The following TTLL5 variants were observed in gnomAD, a reference collection of about 807,000 sequenced individuals.
TTLL5 encodes tubulin polyglutamylase TTLL5.
A neutral mutation model predicts 168.4 loss-of-function variants in TTLL5; 132 were observed. The observed-to-expected ratio is 0.78, with a 90% CI of 0.68 to 0.91. TTLL5 has a LOEUF of 0.91. TTLL5 is among the 40% of genes least tolerant of loss of function. The pLI, the probability that TTLL5 is intolerant of heterozygous loss-of-function variation, is 0.00. For missense variants in TTLL5, 1,545 were observed against 1,581.5 expected (o/e 0.98, Z 0.39); for synonymous variants, 546 against 558.6 (o/e 0.98, Z 0.32).
intron 4 of TTLL5, among the ~76,000 whole-genome samples, chr14:75,682,991 C>T (rs896783655): frequency 6.6e-6 from 1 of 152,054 alleles, no homozygotes; most frequent in Non-Finnish European, 1.5e-5. Context: ...AGGATAGTCT[C>T]AAACTCCTGA....
chr14:75,711,952 A>T (rs1887106951), intron 9 of TTLL5: 1 of 152,370 alleles, frequency 6.6e-6, no homozygotes. Flanking sequence ...AGCAGCAAGT[A>T]GGGGGGAAGA....
At chr14:75,790,317 A>G (rs1415828064) in intron 26 of TTLL5, among the ~76,000 whole-genome samples, 1 of 152,172 alleles carries the variant, frequency 6.6e-6, no homozygotes, top group African/African-American at 2.4e-5. Flanking sequence ...TAAGAAAAAG[A>G]TAGCCCAATA....
At chr14:75,729,331 G>C (rs1232455614) in intron 12 of TTLL5, among the ~76,000 whole-genome samples, 1 of 152,060 alleles carries the variant, frequency 6.6e-6, no homozygotes, top group Non-Finnish European at 1.5e-5. Context: ...TAAAATTCTC[G>C]TTACTGCTGC....
At chr14:75,823,401 G>A (rs931700674) in intron 28 of TTLL5, among the ~76,000 whole-genome samples, 1 of 152,206 alleles carries the variant, frequency 6.6e-6, no homozygotes, top group Admixed American at 6.5e-5. Flanking sequence ...TTCTTAGTGC[G>A]TTTTTCTTTG....
At chr14:75,663,317 C>T (rs952491161) in intron 2 of TTLL5, 94 bp downstream of exon 2, 3 of 1,186,620 alleles carry the variant, frequency 2.5e-6, no homozygotes, top group Non-Finnish European at 2.4e-6. Flanking sequence ...TTCTCTTTTA[C>T]TTATGTACTC....
intron 28 of TTLL5, among the ~76,000 whole-genome samples, chr14:75,831,963 C>T (rs758272782): frequency 5.3e-5 from 8 of 152,112 alleles, no homozygotes; most frequent in African/African-American, 9.7e-5. Flanking sequence ...CACTTGCCAA[C>T]GGAGGGGTAG....
rs977900809 is a variant in TTLL5 at position 75,783,167 on chromosome 14, A to G, written c.2623A>G (p.Lys875Glu). The G allele has an allele frequency of 5.0e-6, 8 of 1,611,000 alleles. No homozygotes were observed. The highest frequency in any genetic ancestry group is 6.8e-6 in the Non-Finnish European group (8 of 1,179,598). The change falls in exon 26 of 32, where the codon AAA becomes GAA. Residue 875 changes from lysine to glutamate, a missense_variant. Lys to Glu is a moderately conservative substitution (Grantham distance 56, BLOSUM62 1). Coordinates refer to ENST00000298832, the MANE Select transcript of TTLL5 (RefSeq NM_015072.5). ...KLSRFTTSAE[K>E]EAKLVYSNSS... The stretch of plus-strand genomic sequence containing the variant: ...AATAGGATTTACCACTTCAGCAGAA[A>G]AAGAGGCAAAATTAGTTTATAGCAA...
chr14:75,837,900 C>T (rs1381247052), intron 28 of TTLL5, among the ~76,000 whole-genome samples: 1 of 151,930 alleles, frequency 6.6e-6, no homozygotes, highest in Non-Finnish European at 1.5e-5. Context: ...CATACACACA[C>T]ACTACATTTT....
At chr14:75,664,032 T>C (rs1883073803) in intron 2 of TTLL5, among the ~76,000 whole-genome samples, 1 of 150,312 alleles carries the variant, frequency 6.7e-6, no homozygotes, top group Non-Finnish European at 1.5e-5. Flanking sequence ...TGCAGTGAGC[T>C]GAGATCTCAC....
intron 31 of TTLL5, among the ~76,000 whole-genome samples, chr14:75,936,691 A>G (rs948446200): frequency 2.6e-5 from 4 of 152,184 alleles, no homozygotes; most frequent in African/African-American, 9.7e-5. Flanking sequence ...CACCTCTTGA[A>G]GTAATTGCTG....
Position 75,820,065 on chromosome 14 carries a change from C to T in TTLL5, c.3230C>T (p.Pro1077Leu). The change falls in exon 28 of 32, where the codon CCA becomes CTA. Residue 1077 changes from proline (P) to leucine (L), a missense_variant. Coordinates refer to ENST00000298832, the MANE Select transcript of TTLL5 (RefSeq NM_015072.5). Reference protein sequence around the residue: ...IINRSSASAPPTLRPIISPSG... With the variant: ...IINRSSASAPLTLRPIISPSG... ...AACAGAAGCAGTGCTTCAGCTCCCC[C>T]AACCCTCCGACCCATCATCAGTCCT... is the stretch of plus-strand genomic sequence containing the variant. 6.2e-7 allele frequency: 1 copy of T among 1,608,362 alleles called. No individual in the cohort carries two copies. The highest frequency in any genetic ancestry group is 1.1e-5 in the South Asian group (1 of 89,982).
intron 13 of TTLL5, among the ~76,000 whole-genome samples, chr14:75,733,289 G>T (rs1888660419): frequency 6.6e-6 from 1 of 152,128 alleles, no homozygotes. Flanking sequence ...CCCAGAACGA[G>T]GCACTGAGTA....
At chr14:75,834,485 C>T (rs1411645801) in intron 28 of TTLL5, among the ~76,000 whole-genome samples, 1 of 152,104 alleles carries the variant, frequency 6.6e-6, no homozygotes, top group Non-Finnish European at 1.5e-5. Flanking sequence ...ACTGTCTTTC[C>T]CCTTCCCTTT....
rs1237211811 is a variant in TTLL5, at chr14:75,766,229, G to A, written c.1876G>A (p.Val626Ile). The A allele has an allele frequency of 6.2e-7, 1 of 1,613,996 alleles. No homozygotes were observed. Among genetic ancestry groups the A allele is most frequent in the African/African-American group, 1.3e-5 (1 of 75,010 alleles). The change falls in exon 20 of 32, where the codon GTA (valine) becomes ATA (isoleucine). Residue 626 changes from valine to isoleucine, a missense_variant. Transcript: ENST00000298832. ...ATATACACCCTCATTGACAGCTTTGGTAGAAAATACACCCAAAGAAAATTC... is the reference window on the plus strand; with the variant it reads ...ATATACACCCTCATTGACAGCTTTGATAGAAAATACACCCAAAGAAAATTC... ...AKYTPSLTAL[V>I]ENTPKENSMK...
At chr14:75,696,951 G>A (rs117597165) in intron 6 of TTLL5, among the ~76,000 whole-genome samples, 1,531 of 151,570 alleles carry the variant, frequency 0.01, 69 homozygotes, top group Admixed American at 0.088. Context: ...TAGATTAGAT[G>A]TCTGCAAACT....
chr14:75,814,272 C>T (rs771254789), intron 27 of TTLL5, among the ~76,000 whole-genome samples: 6 of 152,178 alleles, frequency 3.9e-5, no homozygotes, highest in Non-Finnish European at 5.9e-5. Context: ...TCTTCATGTA[C>T]TGTAAGCCTG....
chr14:75,855,726 A>G (rs1897095537), intron 28 of TTLL5, among the ~76,000 whole-genome samples: 2 of 152,212 alleles, frequency 1.3e-5, no homozygotes, highest in South Asian at 4.1e-4. Context: ...GGTAACACAA[A>G]AAGAACTGAT....
At chr14:75,744,132 A>T (rs1329008550) in intron 15 of TTLL5, among the ~76,000 whole-genome samples, 2 of 152,140 alleles carry the variant, frequency 1.3e-5, no homozygotes, top group African/African-American at 4.8e-5. Flanking sequence ...GAGAAATAAT[A>T]CCTCGTGACA....
chr14:75,730,411 A>G (rs1394535017), intron 12 of TTLL5, among the ~76,000 whole-genome samples: 1 of 152,226 alleles, frequency 6.6e-6, no homozygotes, highest in Non-Finnish European at 1.5e-5. Flanking sequence ...TGTATAGGCA[A>G]TGTATAAATT....
Sources: gnomAD v4.1 joint callset for allele counts (sites outside exome capture counted in the v4.1 genomes callset) on GRCh38, gnomAD v4.1.1 for gene constraint, MANE v1.5 for transcripts, NCBI Gene and HGNC (gene_info 2026-07-23, HGNC 2026-07-21) for gene names.